Variants in SCFD2 observed in about 807,000 individuals in gnomAD.
SCFD2 encodes sec1 family domain containing 2, also known as sec1 family domain-containing protein 2.
A neutral mutation model predicts 58.9 loss-of-function variants in SCFD2; 54 were observed. That is an observed-to-expected ratio of 0.92 (90% CI 0.74 to 1.15). The LOEUF (loss-of-function observed/expected upper bound fraction) is 1.15, where lower values mean the gene tolerates loss of function less well. SCFD2 is among the 50% of genes most tolerant of loss of function. SCFD2 has a pLI of 0.00. For synonymous variants in SCFD2, 321 were observed against 335.9 expected (o/e 0.96, Z 0.49); for missense variants, 805 against 836.6 (o/e 0.96, Z 0.47).
chr4:53,012,580 C>T (rs556191836), intron 5 of SCFD2, among the ~76,000 whole-genome samples: 1 of 152,228 alleles, frequency 6.6e-6, no homozygotes, highest in Non-Finnish European at 1.5e-5. Flanking sequence ...ATTCTTTTCT[C>T]TCTTTATTTT....
At chr4:53,321,435 G>A (rs1184883351) in intron 2 of SCFD2, among the ~76,000 whole-genome samples, 1 of 151,984 alleles carries the variant, frequency 6.6e-6, no homozygotes, top group Non-Finnish European at 1.5e-5. Flanking sequence ...ATTAAGAGAT[G>A]AGGGTGAAAT....
intron 5 of SCFD2, among the ~76,000 whole-genome samples, chr4:53,015,807 G>A (rs867847976): frequency 6.6e-6 from 1 of 152,120 alleles, no homozygotes; most frequent in African/African-American, 2.4e-5. Context: ...GAGCCACAAC[G>A]AGGCGCTCTG....
intron 1 of SCFD2, among the ~76,000 whole-genome samples, chr4:53,354,322 G>A (rs1734336391): frequency 6.6e-6 from 1 of 152,212 alleles, no homozygotes; most frequent in African/African-American, 2.4e-5. Flanking sequence ...GCAGCTGCTG[G>A]CCCAGGTGCT....
chr4:53,107,562 G>A (rs945407839), intron 5 of SCFD2, among the ~76,000 whole-genome samples: 1 of 151,428 alleles, frequency 6.6e-6, no homozygotes, highest in Non-Finnish European at 1.5e-5. Context: ...GCAAAAAAAA[G>A]CAGGGGTTGT....
At chr4:52,919,883 A>G (rs1577827865) in intron 6 of SCFD2, among the ~76,000 whole-genome samples, 1 of 152,352 alleles carries the variant, frequency 6.6e-6, no homozygotes, top group Non-Finnish European at 1.5e-5. Context: ...CCCCACTAAC[A>G]GCACATTCAG....
chr4:52,918,366 T>G (rs532605687), intron 6 of SCFD2, among the ~76,000 whole-genome samples: 1 of 152,302 alleles, frequency 6.6e-6, no homozygotes, highest in East Asian at 1.9e-4. Context: ...CTAACAAATA[T>G]TTACTAAGCA....
chr4:52,958,402 C>T (rs967449535), intron 5 of SCFD2, among the ~76,000 whole-genome samples: 1 of 152,216 alleles, frequency 6.6e-6, no homozygotes, highest in Non-Finnish European at 1.5e-5. Context: ...CAGGTACTTT[C>T]CTCACTTATT....
At chr4:53,343,763 G>A (rs1733965078) in intron 2 of SCFD2, among the ~76,000 whole-genome samples, 1 of 152,204 alleles carries the variant, frequency 6.6e-6, no homozygotes, top group African/African-American at 2.4e-5. Context: ...CCATCATCAA[G>A]TGGGCTTCAT....
chr4:53,293,254 G>A (rs1238736946), intron 3 of SCFD2, among the ~76,000 whole-genome samples: 6 of 152,016 alleles, frequency 3.9e-5, no homozygotes, highest in Non-Finnish European at 8.8e-5. Flanking sequence ...GCAGAACAAT[G>A]AGAACACATG....
chr4:53,003,435 T>C (rs1418150672), intron 5 of SCFD2, among the ~76,000 whole-genome samples: 1 of 152,246 alleles, frequency 6.6e-6, no homozygotes, highest in Non-Finnish European at 1.5e-5. Context: ...AATAGCCATC[T>C]ATGGGTAGCA....
chr4:53,229,068 G>A (rs567416342), intron 4 of SCFD2, among the ~76,000 whole-genome samples: 5 of 152,220 alleles, frequency 3.3e-5, no homozygotes, highest in African/African-American at 2.4e-5. Flanking sequence ...TACAAGGGAT[G>A]TGAAGGACCT....
At chr4:53,290,486 A>G (rs768919506) in intron 3 of SCFD2, among the ~76,000 whole-genome samples, 5 of 152,158 alleles carry the variant, frequency 3.3e-5, no homozygotes, top group African/African-American at 4.8e-5. Context: ...TTCTAACAGG[A>G]GAGTTTATAG....
chr4:53,233,666 T>C (rs542068806), intron 4 of SCFD2, among the ~76,000 whole-genome samples: 8 of 152,348 alleles, frequency 5.3e-5, no homozygotes, highest in African/African-American at 1.9e-4. Context: ...TCTGGCCATA[T>C]GCCTACCCTG....
At chr4:53,276,617 C>G (rs2149071945) in intron 3 of SCFD2, among the ~76,000 whole-genome samples, 1 of 152,256 alleles carries the variant, frequency 6.6e-6, no homozygotes, top group East Asian at 1.9e-4. Flanking sequence ...CTTCCTCCCA[C>G]CCTCCACCCT....
intron 4 of SCFD2, among the ~76,000 whole-genome samples, chr4:53,240,088 C>T (rs1444698219): frequency 1.3e-5 from 2 of 152,148 alleles, no homozygotes; most frequent in East Asian, 1.9e-4. Flanking sequence ...AAGTGAACAA[C>T]TTTTTGTCAT....
At chr4:53,265,690 A>G (rs1007995912) in intron 4 of SCFD2, 2 of 152,198 alleles carry the variant, frequency 1.3e-5, no homozygotes, top group African/African-American at 4.8e-5. Flanking sequence ...ACATTGTTAT[A>G]GTTTTATAAT....
chr4:53,352,589 A>G lies in SCFD2; in HGVS notation c.1007+9T>C, dbSNP rs755485164. 6 of 1,602,964 alleles carry G rather than the reference A, an allele frequency of 3.7e-6. No homozygotes were observed. Among genetic ancestry groups the G allele is most frequent in the East Asian group, 2.2e-5 (1 of 44,700 alleles). On this transcript the variant is annotated intron_variant, in intron 2 of 8. Coordinates refer to ENST00000401642, the MANE Select transcript of SCFD2 (RefSeq NM_152540.4). ...AGAAAGATAAGATGACAAAAACTATATATCTTACCTGGATTGTGAAAGACA... is the reference window on the plus strand; with the variant it reads ...AGAAAGATAAGATGACAAAAACTATGTATCTTACCTGGATTGTGAAAGACA...
chr4:53,342,816 G>T (rs1190733415), intron 2 of SCFD2, among the ~76,000 whole-genome samples: 1 of 152,072 alleles, frequency 6.6e-6, no homozygotes, highest in Non-Finnish European at 1.5e-5. Flanking sequence ...ACTCAAAACC[G>T]CTCAACTACA....
At chr4:52,979,491 CT>C (rs927131538) in intron 5 of SCFD2, among the ~76,000 whole-genome samples, 5 of 152,018 alleles carry the variant, frequency 3.3e-5, no homozygotes, top group African/African-American at 1.2e-4. Flanking sequence ...GAAAAGGTGT[CT>C]TGGGTGATTG....
Sources: gnomAD v4.1 joint callset for allele counts (sites outside exome capture counted in the v4.1 genomes callset) on GRCh38, gnomAD v4.1.1 for gene constraint, MANE v1.5 for transcripts, NCBI Gene and HGNC (gene_info 2026-07-23, HGNC 2026-07-21) for gene names.